UBE2E2: variants seen among roughly 807,000 people sequenced by gnomAD.
UBE2E2 encodes ubiquitin conjugating enzyme E2 E2, also known as ubiquitin-conjugating enzyme E2 E2.
Under a neutral mutation model 24.7 loss-of-function variants are expected in UBE2E2, and 6 were observed. The ratio of observed to expected loss-of-function variants is 0.24; its 90% CI spans 0.13 to 0.48. The LOEUF (loss-of-function observed/expected upper bound fraction) is 0.48, where lower values mean the gene tolerates loss of function less well. Ranked by LOEUF, UBE2E2 falls within the 20% of genes least tolerant of loss-of-function variation. The pLI is 0.99. For synonymous variants in UBE2E2, 104 were observed against 83.6 expected, an observed-to-expected ratio of 1.24 and a Z score of -1.33; for missense variants, 169 against 245.0, an observed-to-expected ratio of 0.69 and a Z score of 2.07.
At chr3:23,464,362 A>C (rs552578148) in intron 3 of UBE2E2, among the ~76,000 whole-genome samples, 1 of 152,142 alleles carries the variant, frequency 6.6e-6, no homozygotes, top group South Asian at 2.1e-4. Context: ...GCAGTAAACT[A>C]TATTGGTTGC....
intron 3 of UBE2E2, among the ~76,000 whole-genome samples, chr3:23,470,952 G>A (rs952289164): frequency 2.0e-5 from 3 of 152,008 alleles, no homozygotes; most frequent in Admixed American, 1.3e-4. Flanking sequence ...GTTATGTTCC[G>A]ACACTTTTAA....
chr3:23,458,224 G>T (rs1226704928), intron 3 of UBE2E2, among the ~76,000 whole-genome samples: 1 of 151,830 alleles, frequency 6.6e-6, no homozygotes, highest in East Asian at 1.9e-4. Context: ...TTGTTGCGTC[G>T]CAGGGAACAG....
intron 3 of UBE2E2, among the ~76,000 whole-genome samples, chr3:23,275,901 A>T (rs146170362): frequency 1.3e-5 from 2 of 152,174 alleles, no homozygotes; most frequent in African/African-American, 4.8e-5. Flanking sequence ...TTTGAATTTG[A>T]GCTTCTCTCT....
At chr3:23,223,900 ACT>A (rs1041914167) in intron 3 of UBE2E2, among the ~76,000 whole-genome samples, 34 of 151,620 alleles carry the variant, frequency 2.2e-4, no homozygotes, top group African/African-American at 8.0e-4. Context: ...TATTGAAAAG[ACT>A]CTCCTTTTCC....
At chr3:23,314,349 C>A (rs1381773213) in intron 3 of UBE2E2, among the ~76,000 whole-genome samples, 2 of 152,130 alleles carry the variant, frequency 1.3e-5, no homozygotes, top group Non-Finnish European at 1.5e-5. Context: ...AGGCTGGTCT[C>A]ATACTCCTGG....
intron 5 of UBE2E2, among the ~76,000 whole-genome samples, chr3:23,545,990 T>G (rs989855490): frequency 1.3e-5 from 2 of 152,084 alleles, no homozygotes; most frequent in Non-Finnish European, 2.9e-5. Flanking sequence ...TATGGATAAT[T>G]GGAGACTCAG....
chr3:23,560,813 G>A (rs1485079648), intron 5 of UBE2E2, among the ~76,000 whole-genome samples: 19 of 152,088 alleles, frequency 1.2e-4, no homozygotes, highest in Admixed American at 6.6e-5. Flanking sequence ...TTCTCTGATG[G>A]CCAGTGATGA....
chr3:23,449,648 G>C (rs1189666125), intron 3 of UBE2E2, among the ~76,000 whole-genome samples: 1 of 152,186 alleles, frequency 6.6e-6, no homozygotes, highest in Non-Finnish European at 1.5e-5. Flanking sequence ...TCTTATGACA[G>C]TTCTGGTAAT....
chr3:23,359,073 C>G (rs888412767), intron 3 of UBE2E2, among the ~76,000 whole-genome samples: 1 of 152,118 alleles, frequency 6.6e-6, no homozygotes, highest in African/African-American at 2.4e-5. Context: ...ATCTCATTGC[C>G]GTTTTTGACT....
chr3:23,207,046 A>C (rs1696166097), intron 1 of UBE2E2, among the ~76,000 whole-genome samples: 2 of 152,148 alleles, frequency 1.3e-5, no homozygotes, highest in South Asian at 4.1e-4. Flanking sequence ...GTTTTTAAAA[A>C]GGTGTCTGAG....
chr3:23,243,079 C>T (rs1201408584), intron 3 of UBE2E2, among the ~76,000 whole-genome samples: 2 of 146,862 alleles, frequency 1.4e-5, no homozygotes, highest in Admixed American at 1.4e-4. Context: ...GAGTGAGACG[C>T]TGTTTCAAAA....
intron 3 of UBE2E2, among the ~76,000 whole-genome samples, chr3:23,475,528 CA>C (rs1473291926): frequency 1.3e-5 from 2 of 152,112 alleles, no homozygotes; most frequent in African/African-American, 4.8e-5. Flanking sequence ...TCACTGCTAT[CA>C]GGGTGATCTT....
chr3:23,531,818 T>C (rs1254291412), intron 4 of UBE2E2, among the ~76,000 whole-genome samples: 4 of 152,158 alleles, frequency 2.6e-5, no homozygotes, highest in African/African-American at 7.2e-5. Context: ...TCCTAGCACT[T>C]TGGGAGGCCA....
In UBE2E2 at chr3:23,460,426, G is replaced by A. The variant is rs569539078; in HGVS notation, c.228-39182G>A. Among the ~76,000 whole-genome samples, 25 of 152,202 alleles carry A rather than the reference G, an allele frequency of 1.6e-4. No homozygotes were observed. In the South Asian group the frequency reaches 3.5e-3, roughly 21 times the overall value. ...CAACCTCTGTTCTGTTTCCTCATAT[G>A]TAAAATGGAAATGGCACCTACATTA... On this transcript the variant is annotated intron_variant, in intron 3 of 5. Coordinates refer to ENST00000396703, the MANE Select transcript of UBE2E2 (RefSeq NM_152653.4).
chr3:23,266,383 T>A (rs1698050097), intron 3 of UBE2E2, among the ~76,000 whole-genome samples: 1 of 152,174 alleles, frequency 6.6e-6, no homozygotes, highest in South Asian at 2.1e-4. Context: ...CTGTAAAGGA[T>A]TTTATTTCTC....
rs573267524 is a variant in UBE2E2 at position 23,580,784 on chromosome 3, G to T, written c.509-8950G>T. 5.3e-5 allele frequency among the ~76,000 whole-genome samples: 8 copies of T among 152,272 alleles called. No homozygotes were observed. The South Asian group carries it at 1.5e-3, about 28-fold the overall frequency. On this transcript the variant is annotated intron_variant, in intron 5 of 5. Coordinates refer to ENST00000396703, the MANE Select transcript of UBE2E2 (RefSeq NM_152653.4). ...CCTGCCAGGTAAAAAAGTAGAAAAGGTTATCCCAGGCAGAGGAACCAACAT... is the reference window on the plus strand; with the variant it reads ...CCTGCCAGGTAAAAAAGTAGAAAAGTTTATCCCAGGCAGAGGAACCAACAT...
chr3:23,212,485 G>A (rs995952471), intron 2 of UBE2E2, among the ~76,000 whole-genome samples: 9 of 152,040 alleles, frequency 5.9e-5, no homozygotes, highest in South Asian at 2.1e-4. Flanking sequence ...CTGCTTTTAC[G>A]GGTTGATACA....
intron 3 of UBE2E2, among the ~76,000 whole-genome samples, chr3:23,345,206 C>G (rs1398385785): frequency 6.6e-6 from 1 of 152,118 alleles, no homozygotes; most frequent in Non-Finnish European, 1.5e-5. Flanking sequence ...CTGAGTATAA[C>G]TATTATTGTA....
chr3:23,300,444 G>A (rs1699040833), intron 3 of UBE2E2, among the ~76,000 whole-genome samples: 1 of 152,126 alleles, frequency 6.6e-6, no homozygotes, highest in Non-Finnish European at 1.5e-5. Flanking sequence ...TCCATGTTTA[G>A]TGCTTCCTTC....
Sources: gnomAD v4.1 joint callset for allele counts (sites outside exome capture counted in the v4.1 genomes callset) on GRCh38, gnomAD v4.1.1 for gene constraint, MANE v1.5 for transcripts, NCBI Gene and HGNC (gene_info 2026-07-23, HGNC 2026-07-21) for gene names.